LRIG1: variants seen among roughly 807,000 people sequenced by gnomAD.
LRIG1 encodes the protein leucine rich repeats and immunoglobulin like domains 1, also known as leucine-rich repeats and immunoglobulin-like domains protein 1.
In LRIG1, 48 loss-of-function variants were observed where a neutral mutation model predicts 99.2. That is an observed-to-expected ratio of 0.48 (90% confidence interval 0.38 to 0.62). The LOEUF is 0.62. Ranked by LOEUF, LRIG1 falls within the 20% of genes least tolerant of loss-of-function variation. LRIG1 has a pLI of 0.00. For missense variants in LRIG1, 1,646 were observed against 1,434.4 expected, an observed-to-expected ratio of 1.15 and a Z score of -2.38; for synonymous variants, 772 against 596.1, an observed-to-expected ratio of 1.29 and a Z score of -4.30.
intron 2 of LRIG1, among the ~76,000 whole-genome samples, chr3:66,452,262 C>A (rs781228110): frequency 6.6e-6 from 1 of 152,224 alleles, no homozygotes; most frequent in Non-Finnish European, 1.5e-5. Flanking sequence ...AAATTCTCCA[C>A]AGACGAGAGT....
At chr3:66,416,692 T>C (rs1352226499) in intron 4 of LRIG1, among the ~76,000 whole-genome samples, 2 of 152,170 alleles carry the variant, frequency 1.3e-5, no homozygotes, top group Non-Finnish European at 1.5e-5. Context: ...TGCATGACAC[T>C]AGAAAGATAA....
Position 66,379,246 on chromosome 3 carries a change from AGTTTCATCTGTGCGAAG to A in LRIG1, c.*1000_*1016del, listed in dbSNP as rs1180602227. On this transcript the variant is annotated 3_prime_UTR_variant, in exon 19 of 19. Transcript: ENST00000273261. Reference sequence around the variant, plus strand: ...GGGCTGTCCTTTCCAGTCCCAGCTCAGTTTCATCTGTGCGAAGGAATGGCATGGACAGGCCTGCTCTG... The same window carrying A: ...GGGCTGTCCTTTCCAGTCCCAGCTCAGAATGGCATGGACAGGCCTGCTCTG... The A allele has an allele frequency of 6.6e-6, 1 of 152,658 alleles. No homozygotes were observed. Among genetic ancestry groups the A allele is most frequent in the Non-Finnish European group, 1.5e-5 (1 of 68,044 alleles). 9.5% of individuals were successfully genotyped at this position (152,658 alleles called of 1,614,324 possible).
At position 66,405,194 on chromosome 3, in the gene LRIG1, T is replaced by G. The variant is rs751527627; in HGVS notation, c.1160+4A>C. The stretch of plus-strand genomic sequence containing the variant: ...CGGCGGAGCTCCGTGCGGCGGATAC[T>G]CACAGCTTGCTGAGGCTGTCGAGCC... On this transcript the variant is annotated splice_donor_region_variant and intron_variant, in intron 9 of 18. Coordinates refer to ENST00000273261, the MANE Select transcript of LRIG1 (RefSeq NM_015541.3). The G allele has an allele frequency of 2.5e-6, 4 of 1,613,778 alleles. No homozygotes were observed. The South Asian group carries it at 4.4e-5, about 18-fold the overall frequency.
At chr3:66,475,545 C>G (rs1700702372) in intron 1 of LRIG1, among the ~76,000 whole-genome samples, 1 of 152,224 alleles carries the variant, frequency 6.6e-6, no homozygotes, top group African/African-American at 2.4e-5. Context: ...TAAATAAAAG[C>G]TGTTCCAATC....
At chr3:66,391,203 A>G (rs893997837) in intron 12 of LRIG1, among the ~76,000 whole-genome samples, 1 of 152,214 alleles carries the variant, frequency 6.6e-6, no homozygotes. Context: ...ATTCTCATGC[A>G]TTGGTGATGG....
chr3:66,394,046 C>T lies in LRIG1; in HGVS notation c.1462G>A (p.Val488Met), dbSNP rs375253403. Reference sequence around the variant, plus strand: ...GTTACAAAGACAGTCTTACCGCACACGAAACTCTCTGGTGGCACAGAGAAA... The same window carrying T: ...GTTACAAAGACAGTCTTACCGCACATGAAACTCTCTGGTGGCACAGAGAAA... ...SIFSVPPESF[V>M]CDDFLKPQII... Residue 488 changes from valine to methionine, a missense_variant, in exon 12 of 19, where the codon GTG becomes ATG. Val to Met is a conservative substitution (Grantham distance 21). Transcript: ENST00000273261. 1.2e-5 allele frequency: 20 copies of T among 1,614,026 alleles called. 1 individual carries two copies. The East Asian group carries it at 1.6e-4, about 13-fold the overall frequency.
rs202138801 is a variant in LRIG1, at chr3:66,491,678, T to TA, written c.218+8511dup. ...TTATATCTCAATAAAGCTGTTAACT[T>TA]AAAAAAAACCTATACATTTGCAGAT... is the stretch of plus-strand genomic sequence containing the variant. On this transcript the variant is annotated intron_variant, in intron 1 of 18. Transcript: ENST00000273261. Among the ~76,000 whole-genome samples the TA allele has an allele frequency of 3.4e-3, 521 of 152,028 alleles. 7 individuals are homozygous for TA. The East Asian group carries it at 0.036, about 11-fold the overall frequency.
chr3:66,395,086 G>C (rs1041086115), intron 11 of LRIG1, among the ~76,000 whole-genome samples: 1 of 152,212 alleles, frequency 6.6e-6, no homozygotes, highest in African/African-American at 2.4e-5. Context: ...TCAACCAAGA[G>C]TCTAGCTGCC....
chr3:66,481,769 C>CT (rs1432916124), intron 1 of LRIG1, among the ~76,000 whole-genome samples: 7 of 152,186 alleles, frequency 4.6e-5, no homozygotes, highest in South Asian at 2.1e-4. Flanking sequence ...GTCTAAAACT[C>CT]TATCACAATT....
intron 1 of LRIG1, among the ~76,000 whole-genome samples, chr3:66,480,008 C>T (rs556283354): frequency 1.3e-5 from 2 of 152,132 alleles, no homozygotes; most frequent in Non-Finnish European, 2.9e-5. Context: ...AACTTACGCA[C>T]AAATGTTCAC....
Position 66,414,962 on chromosome 3 carries a change from T to C in LRIG1, c.605A>G (p.Gln202Arg), listed in dbSNP as rs1448009273. ...TAGCTTGAATGCTCTTACAGGAAGC[T>C]GGGTGATCCTGTTTTTGCTCAGGCG... ...TLRLSKNRIT[Q>R]LPVRAFKLPR... is the part of the protein sequence containing the mutation. The change falls in exon 5 of 19, where the codon CAG (glutamine) becomes CGG (arginine). Residue 202 changes from glutamine (Q) to arginine (R), a missense_variant. Coordinates refer to ENST00000273261, the MANE Select transcript of LRIG1 (RefSeq NM_015541.3). The C allele has an allele frequency of 1.1e-5, 17 of 1,612,212 alleles. No individual in the cohort carries two copies. The highest frequency in any genetic ancestry group is 1.3e-5 in the Non-Finnish European group (15 of 1,179,108).
intron 1 of LRIG1, among the ~76,000 whole-genome samples, chr3:66,496,798 C>G (rs182870535): frequency 6.6e-5 from 10 of 152,270 alleles, no homozygotes; most frequent in Admixed American, 6.5e-4. Context: ...GCACTTTAAA[C>G]TTAATTTGCA....
chr3:66,500,221 G>A lies in LRIG1; in HGVS notation c.187C>T (p.Pro63Ser). The change falls in exon 1 of 19, where the codon CCC becomes TCC. Residue 63 changes from proline to serine, a missense_variant. Pro to Ser is a moderately conservative substitution (Grantham distance 74). Transcript: ENST00000273261. ...DCGGRGLAAL[P>S]GDLPSWTRSL... Reference sequence around the variant, plus strand: ...CGCGTCCAGGAGGGCAGGTCCCCGGGCAACGCAGCCAGCCCGCGCCCACCG... The same window carrying A: ...CGCGTCCAGGAGGGCAGGTCCCCGGACAACGCAGCCAGCCCGCGCCCACCG... The A allele has an allele frequency of 6.6e-7, 1 of 1,513,322 alleles. No individual in the cohort carries two copies. Among genetic ancestry groups the A allele is most frequent in the South Asian group, 1.2e-5 (1 of 82,864 alleles). 93.7% of individuals were successfully genotyped at this position (1,513,322 alleles called of 1,614,324 possible). A position where few individuals can be genotyped will look rare whatever the true frequency, so the allele number is the denominator to read the frequency against.
chr3:66,427,022 T>C (rs1703005630), intron 3 of LRIG1, among the ~76,000 whole-genome samples: 2 of 152,364 alleles, frequency 1.3e-5, no homozygotes, highest in South Asian at 4.1e-4. Context: ...TTGCTTCGCC[T>C]GAACCTCCGG....
At chr3:66,403,013 T>C (rs1356090359) in intron 9 of LRIG1, among the ~76,000 whole-genome samples, 1 of 152,082 alleles carries the variant, frequency 6.6e-6, no homozygotes, top group Non-Finnish European at 1.5e-5. Context: ...TGTACCATGA[T>C]CATATGAGAA....
intron 3 of LRIG1, 102 bp from the exon 4 acceptor site, chr3:66,417,368 G>A (rs1702647276): frequency 8.6e-7 from 1 of 1,165,778 alleles, no homozygotes; most frequent in East Asian, 2.4e-5. Context: ...TAACTACAAT[G>A]CAGTGACGCT....
intron 1 of LRIG1, among the ~76,000 whole-genome samples, chr3:66,463,519 T>C (rs1475940600): frequency 6.6e-6 from 1 of 152,216 alleles, no homozygotes; most frequent in African/African-American, 2.4e-5. Flanking sequence ...ACTATTCTGT[T>C]AGGGGACCAC....
intron 3 of LRIG1, among the ~76,000 whole-genome samples, chr3:66,450,306 A>G (rs1378805836): frequency 6.6e-6 from 1 of 152,182 alleles, no homozygotes; most frequent in Non-Finnish European, 1.5e-5. Flanking sequence ...AGCCAATGAC[A>G]GTAACCACCA....
intron 1 of LRIG1, among the ~76,000 whole-genome samples, chr3:66,481,132 T>C (rs528505339): frequency 6.6e-6 from 1 of 152,318 alleles, no homozygotes; most frequent in African/African-American, 2.4e-5. Context: ...GGTCCCTCTA[T>C]ATTTCAGACC....
Sources: gnomAD v4.1 joint callset for allele counts (sites outside exome capture counted in the v4.1 genomes callset) on GRCh38, gnomAD v4.1.1 for gene constraint, MANE v1.5 for transcripts, NCBI Gene and HGNC (gene_info 2026-07-23, HGNC 2026-07-21) for gene names.